Variants in EDIL3 observed in about 807,000 individuals in gnomAD.
The protein encoded by EDIL3 is EGF-like repeat and discoidin I-like domain-containing protein 3.
Under a neutral mutation model 67.4 loss-of-function variants are expected in EDIL3, and 37 were observed. The ratio of observed to expected loss-of-function variants is 0.55; its 90% CI spans 0.42 to 0.72. EDIL3 has a LOEUF of 0.72. Ranked by LOEUF, EDIL3 falls within the 30% of genes least tolerant of loss-of-function variation. EDIL3 has a pLI of 0.00. For synonymous variants in EDIL3, 195 were observed against 196.3 expected (o/e 0.99, Z 0.05); for missense variants, 527 against 586.3 (o/e 0.90, Z 1.04).
At chr5:84,368,456 C>T (rs1283323636) in intron 1 of EDIL3, among the ~76,000 whole-genome samples, 1 of 151,982 alleles carries the variant, frequency 6.6e-6, no homozygotes, top group African/African-American at 2.4e-5. Context: ...GAGCACTTAC[C>T]TACATCGTAT....
chr5:84,083,852 T>C (rs1162643593), intron 6 of EDIL3, among the ~76,000 whole-genome samples: 1 of 152,232 alleles, frequency 6.6e-6, no homozygotes, highest in Non-Finnish European at 1.5e-5. Context: ...CAAGTCCTTT[T>C]GACTTTTTAA....
chr5:84,123,905 TCTA>T (rs1488528099), intron 5 of EDIL3, among the ~76,000 whole-genome samples: 1 of 151,964 alleles, frequency 6.6e-6, no homozygotes, highest in Non-Finnish European at 1.5e-5. Flanking sequence ...TATGCAGTTT[TCTA>T]CTATTTTTTC....
chr5:84,168,214 T>C (rs562196304), intron 4 of EDIL3, among the ~76,000 whole-genome samples: 1 of 152,188 alleles, frequency 6.6e-6, no homozygotes, highest in Non-Finnish European at 1.5e-5. Context: ...TGATGTTCTA[T>C]TTTTTAAAAT....
chr5:84,200,037 A>C (rs77766537), intron 3 of EDIL3, among the ~76,000 whole-genome samples: 2,343 of 152,226 alleles, frequency 0.015, 33 homozygotes, highest in Middle Eastern at 0.024. Context: ...AGAAGGCTGA[A>C]GGATTAAGGA....
intron 9 of EDIL3, among the ~76,000 whole-genome samples, chr5:84,049,571 C>T (rs756232186): frequency 1.8e-4 from 27 of 152,180 alleles, no homozygotes; most frequent in South Asian, 4.1e-4. Context: ...TAATATCTAT[C>T]CTAACCATGA....
At chr5:84,030,128 G>A (rs143726067) in intron 9 of EDIL3, among the ~76,000 whole-genome samples, 2 of 152,228 alleles carry the variant, frequency 1.3e-5, no homozygotes, top group African/African-American at 4.8e-5. Flanking sequence ...CTAAAACAAT[G>A]ATGTAATTTT....
intron 1 of EDIL3, among the ~76,000 whole-genome samples, chr5:84,297,825 G>A (rs1746081399): frequency 6.6e-6 from 1 of 152,186 alleles, no homozygotes; most frequent in African/African-American, 2.4e-5. Context: ...AGATACAGTC[G>A]ATCCTGGGAG....
rs527559957 is a variant in EDIL3, at chr5:84,168,319, T to C, written c.355+12074A>G. 1.1e-4 allele frequency among the ~76,000 whole-genome samples: 16 copies of C among 152,264 alleles called. No homozygotes were observed. The South Asian group carries it at 2.1e-3, about 20-fold the overall frequency. ...TACTGCATTACACTATCATGACACATAACACACAATATATCTAAAGACAAC... is the reference window on the plus strand; with the variant it reads ...TACTGCATTACACTATCATGACACACAACACACAATATATCTAAAGACAAC... On this transcript the variant is annotated intron_variant, in intron 4 of 10. Coordinates refer to ENST00000296591, the MANE Select transcript of EDIL3 (RefSeq NM_005711.5).
chr5:84,021,764 T>C (rs1351725103), intron 9 of EDIL3, among the ~76,000 whole-genome samples: 1 of 151,956 alleles, frequency 6.6e-6, no homozygotes, highest in East Asian at 1.9e-4. Flanking sequence ...CAGAGACTAC[T>C]AGTAACAACT....
chr5:84,035,437 T>C (rs971835839), intron 9 of EDIL3, among the ~76,000 whole-genome samples: 6 of 152,166 alleles, frequency 3.9e-5, no homozygotes, highest in African/African-American at 1.2e-4. Context: ...TTAAAAATAA[T>C]GGTGATCCCT....
chr5:84,012,300 GGTTT>G (rs1745531385), intron 9 of EDIL3, among the ~76,000 whole-genome samples: 2 of 151,954 alleles, frequency 1.3e-5, no homozygotes, highest in African/African-American at 2.4e-5. Context: ...ATCTGTTTTT[GGTTT>G]GTTTGTTTGA....
At chr5:84,100,371 A>G (rs200773788) in intron 6 of EDIL3, among the ~76,000 whole-genome samples, 2 of 152,230 alleles carry the variant, frequency 1.3e-5, no homozygotes, top group Admixed American at 1.3e-4. Context: ...AGGCACGTAT[A>G]CACCATGGAA....
intron 1 of EDIL3, among the ~76,000 whole-genome samples, chr5:84,256,354 T>C (rs76186262): frequency 0.016 from 2,500 of 152,208 alleles, 31 homozygotes; most frequent in Middle Eastern, 0.027. Context: ...ACAATTACAA[T>C]TATACTACAC....
At chr5:84,192,369 T>C (rs540167013) in intron 3 of EDIL3, among the ~76,000 whole-genome samples, 8 of 152,134 alleles carry the variant, frequency 5.3e-5, no homozygotes, top group African/African-American at 1.9e-4. Flanking sequence ...CCCCTGTTCA[T>C]GATAATGAAC....
intron 1 of EDIL3, among the ~76,000 whole-genome samples, chr5:84,332,996 C>A: frequency 6.6e-6 from 1 of 152,082 alleles, no homozygotes; most frequent in East Asian, 1.9e-4. Context: ...CAAAAATGTG[C>A]ACTAACACAT....
intron 4 of EDIL3, among the ~76,000 whole-genome samples, chr5:84,174,031 G>A (rs1748858077): frequency 6.6e-6 from 1 of 152,192 alleles, no homozygotes; most frequent in African/African-American, 2.4e-5. Context: ...GAAAGACAAA[G>A]GAGCCAAAGG....
chr5:84,315,080 C>T (rs893481973), intron 1 of EDIL3, among the ~76,000 whole-genome samples: 1 of 152,040 alleles, frequency 6.6e-6, no homozygotes, highest in Non-Finnish European at 1.5e-5. Flanking sequence ...AAATAAAAGA[C>T]AAATTGATCT....
chr5:84,254,546 C>T (rs1745092975), intron 1 of EDIL3, among the ~76,000 whole-genome samples: 1 of 152,236 alleles, frequency 6.6e-6, no homozygotes, highest in East Asian at 1.9e-4. Context: ...TCATTAATTA[C>T]TCTAATAAAT....
chr5:84,303,850 T>TGTTTG (rs34555925), intron 1 of EDIL3, among the ~76,000 whole-genome samples: 2,018 of 98,712 alleles, frequency 0.02, 17 homozygotes, highest in African/African-American at 0.026. Context: ...GTGTGTGTGT[T>TGTTTG]TGTGTGTGTG....
Sources: allele counts gnomAD v4.1 joint callset (sites outside exome capture counted in the v4.1 genomes callset), GRCh38; gene constraint gnomAD v4.1.1; transcripts MANE v1.5; gene names NCBI Gene and HGNC (gene_info 2026-07-23, HGNC 2026-07-21).